The following TMEM132C variants were observed in gnomAD, a reference collection of about 807,000 sequenced individuals.
TMEM132C encodes protein phosphatase 1, regulatory subunit 152.
In TMEM132C, 29 loss-of-function variants were observed where a neutral mutation model predicts 61.4. The observed-to-expected ratio is 0.47, with a 90% CI of 0.35 to 0.64. The LOEUF is 0.64. TMEM132C is among the 30% of genes least tolerant of loss of function. TMEM132C has a pLI of 0.00. For synonymous variants in TMEM132C, 656 were observed against 633.1 expected, an observed-to-expected ratio of 1.04 and a Z score of -0.54; for missense variants, 1,408 against 1,476.9, an observed-to-expected ratio of 0.95 and a Z score of 0.76.
Position 128,528,302 on chromosome 12 carries a change from G to T in TMEM132C, c.975-15655G>T, listed in dbSNP as rs141389265. 3.3e-5 allele frequency among the ~76,000 whole-genome samples: 5 copies of T among 152,256 alleles called. No homozygotes were observed. In the East Asian group the frequency reaches 9.7e-4, roughly 29 times the overall value. ...TTGAAACTCTCCTGGACCACAGCACGATCTCTCCTCCTGATGGTTTATTCT... is the reference window on the plus strand; with the variant it reads ...TTGAAACTCTCCTGGACCACAGCACTATCTCTCCTCCTGATGGTTTATTCT... On this transcript the variant is annotated intron_variant, in intron 2 of 8. Transcript: ENST00000435159.
At chr12:128,586,952 G>A (rs983169383) in intron 3 of TMEM132C, among the ~76,000 whole-genome samples, 5 of 152,160 alleles carry the variant, frequency 3.3e-5, no homozygotes, top group African/African-American at 1.2e-4. Flanking sequence ...CCAAGGACCT[G>A]GAAACCCTGC....
At chr12:128,298,533 C>T (rs892816770) in intron 1 of TMEM132C, among the ~76,000 whole-genome samples, 9 of 152,152 alleles carry the variant, frequency 5.9e-5, no homozygotes, top group East Asian at 1.9e-4. Flanking sequence ...ACGGTACGTA[C>T]GACTCACAGC....
chr12:128,294,212 T>C (rs1342486382), intron 1 of TMEM132C: 1 of 154,468 alleles, frequency 6.5e-6, no homozygotes, highest in Non-Finnish European at 1.5e-5. Context: ...CATGGGAAGG[T>C]GTCCAAAGGT....
chr12:128,466,695 G>T (rs1172122832), intron 2 of TMEM132C, among the ~76,000 whole-genome samples: 1 of 152,014 alleles, frequency 6.6e-6, no homozygotes, highest in Non-Finnish European at 1.5e-5. Context: ...TTTGTTTTTT[G>T]TTTGTAGAGA....
At chr12:128,337,717 A>G (rs1305326619) in intron 1 of TMEM132C, among the ~76,000 whole-genome samples, 1 of 152,132 alleles carries the variant, frequency 6.6e-6, no homozygotes, top group African/African-American at 2.4e-5. Context: ...TTGCAATTCT[A>G]TCAGTCTCCT....
intron 1 of TMEM132C, among the ~76,000 whole-genome samples, chr12:128,412,192 T>C (rs1484220090): frequency 6.6e-6 from 1 of 152,218 alleles, no homozygotes; most frequent in African/African-American, 2.4e-5. Flanking sequence ...TTGTAACCAA[T>C]TCAGGGTTTT....
intron 2 of TMEM132C, among the ~76,000 whole-genome samples, chr12:128,502,670 A>G (rs1168023466): frequency 1.3e-5 from 2 of 152,214 alleles, no homozygotes; most frequent in East Asian, 1.9e-4. Context: ...AAGTGAAGAC[A>G]TCGGCAATTG....
intron 2 of TMEM132C, among the ~76,000 whole-genome samples, chr12:128,446,581 C>G (rs1417900495): frequency 6.6e-6 from 1 of 152,174 alleles, no homozygotes; most frequent in Non-Finnish European, 1.5e-5. Context: ...TGACTGGAGT[C>G]AATAGTAACC....
At chr12:128,319,514 C>T (rs1311815499) in intron 1 of TMEM132C, among the ~76,000 whole-genome samples, 1 of 151,908 alleles carries the variant, frequency 6.6e-6, no homozygotes, top group Non-Finnish European at 1.5e-5. Flanking sequence ...GTGCTGTCAC[C>T]AAAGGAAGGG....
intron 2 of TMEM132C, among the ~76,000 whole-genome samples, chr12:128,508,459 C>T (rs952528113): frequency 6.6e-6 from 1 of 152,172 alleles, no homozygotes; most frequent in South Asian, 2.1e-4. Context: ...AACCGTTTCT[C>T]CTGGTAATGA....
At chr12:128,306,454 G>A (rs973668635) in intron 1 of TMEM132C, among the ~76,000 whole-genome samples, 5 of 151,982 alleles carry the variant, frequency 3.3e-5, no homozygotes, top group African/African-American at 4.8e-5. Context: ...TGCCCACCTC[G>A]GCCTCCCAAA....
chr12:128,667,473 A>C (rs1385440217), intron 4 of TMEM132C, among the ~76,000 whole-genome samples: 3 of 152,224 alleles, frequency 2.0e-5, no homozygotes, highest in African/African-American at 4.8e-5. Flanking sequence ...CCACGGACCC[A>C]GGAGAAGACA....
At chr12:128,340,799 C>G (rs1872935719) in intron 1 of TMEM132C, among the ~76,000 whole-genome samples, 1 of 144,860 alleles carries the variant, frequency 6.9e-6, no homozygotes, top group South Asian at 2.2e-4. Flanking sequence ...CTCTCTCTCT[C>G]TTTCTTTCTT....
At chr12:128,343,421 TAA>T (rs71449345) in intron 1 of TMEM132C, among the ~76,000 whole-genome samples, 587 of 136,476 alleles carry the variant, frequency 4.3e-3, no homozygotes, top group Middle Eastern at 7.7e-3. Flanking sequence ...AGACTCAGTC[TAA>T]AAAAAAAAAA....
Position 128,693,832 on chromosome 12 carries a change from T to A in TMEM132C, c.1453T>A (p.Ser485Thr). 1.3e-6 allele frequency: 2 copies of A among 1,551,756 alleles called. No individual in the cohort carries two copies. Among genetic ancestry groups the A allele is most frequent in the Non-Finnish European group, 1.7e-6 (2 of 1,147,000 alleles). The change falls in exon 6 of 9, where the codon TCT (serine) becomes ACT (threonine). Residue 485 changes from serine (S) to threonine (T), a missense_variant. By Grantham distance (58) the Ser-to-Thr change is moderately conservative (BLOSUM62 1). Transcript: ENST00000435159. Reference protein sequence around the residue: ...KSTDEDVIKVSERCDYIFVNG... With the variant: ...KSTDEDVIKVTERCDYIFVNG... ...CTTTCTCCCTCTGTCTTTGCAGGTG[T>A]CTGAGCGCTGTGACTACATCTTTGT...
chr12:128,360,504 C>T (rs975793089), intron 1 of TMEM132C, among the ~76,000 whole-genome samples: 1 of 152,082 alleles, frequency 6.6e-6, no homozygotes, highest in African/African-American at 2.4e-5. Context: ...TAAATGTCCC[C>T]TCGTGCCTGC....
At chr12:128,675,787 G>A (rs553888492) in intron 5 of TMEM132C, among the ~76,000 whole-genome samples, 1 of 151,852 alleles carries the variant, frequency 6.6e-6, no homozygotes, top group South Asian at 2.1e-4. Flanking sequence ...GTAGGTAATA[G>A]GTTAGATAGA....
intron 1 of TMEM132C, among the ~76,000 whole-genome samples, chr12:128,394,942 A>C (rs1874893254): frequency 6.6e-6 from 1 of 151,692 alleles, no homozygotes; most frequent in African/African-American, 2.4e-5. Context: ...GCTAAAACAC[A>C]TGTGACCATC....
chr12:128,270,905 A>G (rs948584945), intron 1 of TMEM132C, among the ~76,000 whole-genome samples: 9 of 152,144 alleles, frequency 5.9e-5, no homozygotes, highest in Admixed American at 2.6e-4. Context: ...GGACCCACAG[A>G]CAAGTACTGT....
Sources: allele counts gnomAD v4.1 joint callset (sites outside exome capture counted in the v4.1 genomes callset), GRCh38; gene constraint gnomAD v4.1.1; transcripts MANE v1.5; gene names NCBI Gene and HGNC (gene_info 2026-07-23, HGNC 2026-07-21).